GPC5: variants seen among roughly 807,000 people sequenced by gnomAD.
The protein encoded by GPC5 is glypican 5, also known as glypican-5.
In GPC5, 47 loss-of-function variants were observed where a neutral mutation model predicts 53.9. That is an observed-to-expected ratio of 0.87 (90% confidence interval 0.69 to 1.11). The LOEUF (loss-of-function observed/expected upper bound fraction) is 1.11. Among genes scored for constraint, GPC5 ranks in the 50% most tolerant of loss-of-function variants. GPC5 has a pLI of 0.00. For missense variants in GPC5, 748 were observed against 713.1 expected (o/e 1.05, Z -0.56); for synonymous variants, 286 against 263.3 (o/e 1.09, Z -0.84).
In GPC5 at chr13:92,135,754, C is replaced by T. The variant is rs554904038; in HGVS notation, c.1402-9076C>T. Reference sequence around the variant, plus strand: ...GTGACCTTTCAAATTACTGGCACAACAGGAGCCGAGATCAGAAAGTTCAAA... The same window carrying T: ...GTGACCTTTCAAATTACTGGCACAATAGGAGCCGAGATCAGAAAGTTCAAA... On this transcript the variant is annotated intron_variant, in intron 6 of 7. Coordinates refer to ENST00000377067, the MANE Select transcript of GPC5 (RefSeq NM_004466.6). 5.3e-5 allele frequency among the ~76,000 whole-genome samples: 8 copies of T among 152,290 alleles called. No homozygotes were observed. In the South Asian group the frequency reaches 1.7e-3, roughly 32 times the overall value.
At chr13:91,502,530 A>G (rs973042257) in intron 2 of GPC5, among the ~76,000 whole-genome samples, 2 of 152,170 alleles carry the variant, frequency 1.3e-5, no homozygotes, top group African/African-American at 4.8e-5. Flanking sequence ...TTGGCTTATG[A>G]CAGTTGAATT....
chr13:91,609,310 A>G (rs1026472511), intron 2 of GPC5, among the ~76,000 whole-genome samples: 8 of 152,102 alleles, frequency 5.3e-5, no homozygotes, highest in Non-Finnish European at 1.2e-4. Flanking sequence ...TCTTTTTGAC[A>G]GCACCTTGGA....
chr13:92,170,820 CAG>C (rs1196045359), intron 7 of GPC5, among the ~76,000 whole-genome samples: 9 of 152,064 alleles, frequency 5.9e-5, no homozygotes, highest in Non-Finnish European at 1.3e-4. Context: ...TTTTTAAATT[CAG>C]AGTCAGCAAC....
chr13:91,571,810 C>T (rs373498978), intron 2 of GPC5, among the ~76,000 whole-genome samples: 3,031 of 86,124 alleles, frequency 0.035, 494 homozygotes, highest in African/African-American at 0.12. Flanking sequence ...TATACACACA[C>T]ATACGTGTGT....
intron 5 of GPC5, among the ~76,000 whole-genome samples, chr13:91,792,956 G>A (rs73617829): frequency 0.025 from 3,842 of 152,184 alleles, 157 homozygotes; most frequent in African/African-American, 0.087. Context: ...GAAGAGCTTT[G>A]AGGGAAAGTC....
At chr13:92,127,799 TAATG>T (rs1180777239) in intron 6 of GPC5, among the ~76,000 whole-genome samples, 1 of 152,234 alleles carries the variant, frequency 6.6e-6, no homozygotes, top group Non-Finnish European at 1.5e-5. Flanking sequence ...TTTATAATGA[TAATG>T]AATTATTCAT....
At position 92,119,468 on chromosome 13, in the gene GPC5, G is replaced by A. The variant is rs542216292; in HGVS notation, c.1402-25362G>A. 1.3e-3 allele frequency among the ~76,000 whole-genome samples: 166 copies of A among 128,500 alleles called. 1 individual carries two copies. Among genetic ancestry groups the A allele is most frequent in the Admixed American group, 2.7e-3 (27 of 9,940 alleles). The allele number at this position is 128,500 out of a possible 152,430, so 84.3% of individuals were successfully genotyped here. ...AGCTGGAGTGCAGTGGCGCGATCTC[G>A]GCTCACTGCAGGCTCCGCCCCCCGG... On this transcript the variant is annotated intron_variant, in intron 6 of 7. Coordinates refer to ENST00000377067, the MANE Select transcript of GPC5 (RefSeq NM_004466.6).
At chr13:92,248,651 T>C (rs547310485) in intron 7 of GPC5, among the ~76,000 whole-genome samples, 1 of 152,272 alleles carries the variant, frequency 6.6e-6, no homozygotes. Flanking sequence ...TATTTCTCCA[T>C]TCACCAAACC....
chr13:92,788,038 G>A (rs1326681047), intron 7 of GPC5, among the ~76,000 whole-genome samples: 1 of 152,082 alleles, frequency 6.6e-6, no homozygotes, highest in African/African-American at 2.4e-5. Context: ...CAGATTAAAA[G>A]TGCATATCCA....
intron 7 of GPC5, among the ~76,000 whole-genome samples, chr13:92,772,410 CT>C (rs2138750817): frequency 6.6e-6 from 1 of 152,348 alleles, no homozygotes; most frequent in East Asian, 1.9e-4. Flanking sequence ...AAGCCAAACA[CT>C]CTCTAACCAT....
At chr13:92,279,373 A>G (rs550829839) in intron 7 of GPC5, among the ~76,000 whole-genome samples, 5 of 152,080 alleles carry the variant, frequency 3.3e-5, no homozygotes, top group Non-Finnish European at 7.4e-5. Context: ...CATCTTGTGC[A>G]CTGAAAAATT....
intron 7 of GPC5, among the ~76,000 whole-genome samples, chr13:92,560,855 A>ACATGTGTGTGTG (rs1882669502): frequency 1.2e-5 from 1 of 86,554 alleles, no homozygotes; most frequent in African/African-American, 3.4e-5. Flanking sequence ...ATAGAAAATT[A>ACATGTGTGTGTG]TATGTGTGTG....
intron 2 of GPC5, among the ~76,000 whole-genome samples, chr13:91,496,518 C>A (rs1490586005): frequency 1.3e-5 from 2 of 152,000 alleles, no homozygotes; most frequent in Non-Finnish European, 2.9e-5. Context: ...GTGAAATAAG[C>A]CAGGCACAGA....
At chr13:92,477,974 C>G (rs940506497) in intron 7 of GPC5, among the ~76,000 whole-genome samples, 1 of 152,088 alleles carries the variant, frequency 6.6e-6, no homozygotes, top group Non-Finnish European at 1.5e-5. Flanking sequence ...TTTTCCAAAG[C>G]CAGCTCATTT....
chr13:92,356,482 A>T (rs79794860), intron 7 of GPC5, among the ~76,000 whole-genome samples: 2,179 of 152,340 alleles, frequency 0.014, 43 homozygotes, highest in African/African-American at 0.049. Flanking sequence ...ATCAGAAATA[A>T]TAGTGTCTTA....
chr13:92,559,261 A>G (rs1049436262), intron 7 of GPC5, among the ~76,000 whole-genome samples: 23 of 151,838 alleles, frequency 1.5e-4, no homozygotes, highest in Non-Finnish European at 5.9e-5. Flanking sequence ...AAATACATGT[A>G]TAAGCAATGA....
At chr13:92,329,771 A>G (rs1017821258) in intron 7 of GPC5, among the ~76,000 whole-genome samples, 3 of 152,158 alleles carry the variant, frequency 2.0e-5, no homozygotes, top group Admixed American at 2.0e-4. Context: ...ATAGGATTCT[A>G]TTAACACTGG....
intron 2 of GPC5, among the ~76,000 whole-genome samples, chr13:91,562,045 T>A (rs2031290598): frequency 6.6e-6 from 1 of 152,018 alleles, no homozygotes. Flanking sequence ...CTCTGAATAA[T>A]ATCTCTATTC....
At chr13:92,643,090 A>G (rs1885648563) in intron 7 of GPC5, among the ~76,000 whole-genome samples, 1 of 151,990 alleles carries the variant, frequency 6.6e-6, no homozygotes, top group Admixed American at 6.6e-5. Context: ...TTTCTTGTAA[A>G]TTTGTTTGAG....
Sources: allele counts gnomAD v4.1 joint callset (sites outside exome capture counted in the v4.1 genomes callset), GRCh38; gene constraint gnomAD v4.1.1; transcripts MANE v1.5; gene names NCBI Gene and HGNC (gene_info 2026-07-23, HGNC 2026-07-21).